DYNC1I1: variants seen among roughly 807,000 people sequenced by gnomAD.
The protein encoded by DYNC1I1 is dynein cytoplasmic 1 intermediate chain 1.
In DYNC1I1, 43 loss-of-function variants were observed where a neutral mutation model predicts 86.6. The ratio of observed to expected loss-of-function variants is 0.50; its 90% CI spans 0.39 to 0.64. The LOEUF is 0.64. DYNC1I1 is among the 30% of genes least tolerant of loss of function. The pLI is 0.00. For synonymous variants in DYNC1I1, 262 were observed against 283.7 expected (o/e 0.92, Z 0.77); for missense variants, 604 against 788.8 (o/e 0.77, Z 2.81).
chr7:96,077,278 G>GTGT (rs1562996246), intron 15 of DYNC1I1, among the ~76,000 whole-genome samples: 28 of 135,730 alleles, frequency 2.1e-4, no homozygotes, highest in African/African-American at 6.2e-4. Flanking sequence ...TGTGTGTGTG[G>GTGT]GAGGGGGCAG....
chr7:95,883,710 G>A (rs71564812), intron 6 of DYNC1I1, among the ~76,000 whole-genome samples: 78 of 152,086 alleles, frequency 5.1e-4, no homozygotes, highest in Non-Finnish European at 1.0e-3. Flanking sequence ...AAATCTGGGA[G>A]CAGTTTGGAA....
chr7:96,014,132 T>G (rs755288804), intron 10 of DYNC1I1, among the ~76,000 whole-genome samples: 2 of 152,174 alleles, frequency 1.3e-5, no homozygotes, highest in Non-Finnish European at 2.9e-5. Flanking sequence ...AGGACTCATC[T>G]ATAGAACAGA....
At chr7:95,894,774 C>G (rs1249253193) in intron 6 of DYNC1I1, among the ~76,000 whole-genome samples, 1 of 152,144 alleles carries the variant, frequency 6.6e-6, no homozygotes, top group Non-Finnish European at 1.5e-5. Flanking sequence ...TTTTCTGCAT[C>G]CTGCTGGTTG....
intron 10 of DYNC1I1, among the ~76,000 whole-genome samples, chr7:96,023,209 AT>A (rs57582239): frequency 0.14 from 21,636 of 152,212 alleles, 1,780 homozygotes; most frequent in African/African-American, 0.22. Flanking sequence ...GTCAGCCACC[AT>A]TTAACAGCAT....
chr7:96,002,284 T>C (rs1476371292), intron 10 of DYNC1I1, among the ~76,000 whole-genome samples: 1 of 152,214 alleles, frequency 6.6e-6, no homozygotes, highest in Non-Finnish European at 1.5e-5. Context: ...TATATTAAAA[T>C]GCCAGTTGAT....
chr7:95,884,787 A>G (rs1172828791), intron 6 of DYNC1I1, among the ~76,000 whole-genome samples: 4 of 147,260 alleles, frequency 2.7e-5, no homozygotes, highest in African/African-American at 1.0e-4. Flanking sequence ...GGAAGAAAAA[A>G]AAAGACAAAA....
At chr7:95,933,208 A>T (rs1331224201) in intron 6 of DYNC1I1, among the ~76,000 whole-genome samples, 2 of 152,176 alleles carry the variant, frequency 1.3e-5, no homozygotes. Context: ...TATACTTTTT[A>T]AAAACATAAT....
intron 1 of DYNC1I1, among the ~76,000 whole-genome samples, chr7:95,780,795 A>C (rs1012983322): frequency 1.3e-5 from 2 of 151,988 alleles, no homozygotes; most frequent in Admixed American, 1.3e-4. Flanking sequence ...TGACCCTGAG[A>C]CTCTGTCTCA....
At chr7:95,901,940 A>C (rs1259981314) in intron 6 of DYNC1I1, among the ~76,000 whole-genome samples, 1 of 152,216 alleles carries the variant, frequency 6.6e-6, no homozygotes, top group East Asian at 1.9e-4. Flanking sequence ...CAAATGTTTA[A>C]GAGAGTAAGA....
chr7:95,973,801 G>T (rs1414089862), intron 6 of DYNC1I1, among the ~76,000 whole-genome samples: 1 of 152,136 alleles, frequency 6.6e-6, no homozygotes, highest in Non-Finnish European at 1.5e-5. Flanking sequence ...ATGAGAACTT[G>T]TTACTATTTA....
At position 96,098,166 on chromosome 7, in the gene DYNC1I1, G is replaced by A; in HGVS notation, c.*573G>A. The A allele has an allele frequency of 8.1e-6, 8 of 985,252 alleles. No homozygotes were observed. The highest frequency in any genetic ancestry group is 9.6e-6 in the Non-Finnish European group (8 of 829,484). 61.0% of individuals were successfully genotyped at this position (985,252 alleles called of 1,614,324 possible). ...AGAGCATGTGCATAATGAGAGGACT[G>A]TATTCTCTCTGCTGCTGTTGAGGTT... is the stretch of plus-strand genomic sequence containing the variant. On this transcript the variant is annotated 3_prime_UTR_variant, in exon 17 of 17. Coordinates refer to ENST00000447467, the MANE Select transcript of DYNC1I1 (RefSeq NM_001135556.2).
At chr7:95,911,997 T>A (rs1296453632) in intron 6 of DYNC1I1, among the ~76,000 whole-genome samples, 1 of 152,194 alleles carries the variant, frequency 6.6e-6, no homozygotes, top group Non-Finnish European at 1.5e-5. Context: ...CCAAACTTTT[T>A]AAGGCTGCTT....
chr7:96,035,463 T>C (rs550407360), intron 12 of DYNC1I1, among the ~76,000 whole-genome samples, 156 bp from the exon 13 acceptor site: 81 of 152,318 alleles, frequency 5.3e-4, no homozygotes, highest in Non-Finnish European at 9.6e-4. Flanking sequence ...AGCATGAATG[T>C]CAGGGGCAGT....
chr7:96,079,299 G>A (rs187047309), intron 15 of DYNC1I1, among the ~76,000 whole-genome samples: 29 of 152,152 alleles, frequency 1.9e-4, no homozygotes, highest in African/African-American at 6.0e-4. Context: ...TTAAACAGTG[G>A]CATGAGATGA....
chr7:95,909,049 CA>C (rs1248870375), intron 6 of DYNC1I1, among the ~76,000 whole-genome samples: 1 of 150,468 alleles, frequency 6.6e-6, no homozygotes, highest in Non-Finnish European at 1.5e-5. Context: ...TGGAACAGAC[CA>C]AAAAGGGAGG....
chr7:95,869,822 T>C (rs1790114337), intron 5 of DYNC1I1, 61 bp from the exon 6 acceptor site: 1 of 1,480,154 alleles, frequency 6.8e-7, no homozygotes, highest in South Asian at 1.2e-5. Context: ...CTTTTATTAC[T>C]GATAGCTCTT....
chr7:95,974,658 A>C (rs1384327783), intron 6 of DYNC1I1, among the ~76,000 whole-genome samples: 2 of 152,132 alleles, frequency 1.3e-5, no homozygotes, highest in Non-Finnish European at 2.9e-5. Context: ...ACTTCATATT[A>C]AGCATTGCCG....
chr7:95,773,454 A>G (rs1793761180), intron 1 of DYNC1I1, among the ~76,000 whole-genome samples: 2 of 152,250 alleles, frequency 1.3e-5, no homozygotes, highest in Non-Finnish European at 2.9e-5. Flanking sequence ...CGTCGTCATC[A>G]TAAGGGCAGT....
intron 6 of DYNC1I1, among the ~76,000 whole-genome samples, chr7:95,969,869 C>T (rs1793120235): frequency 6.6e-6 from 1 of 152,164 alleles, no homozygotes; most frequent in Non-Finnish European, 1.5e-5. Context: ...TTTCTTTACT[C>T]TGGCCAGATG....
Sources: allele counts gnomAD v4.1 joint callset (sites outside exome capture counted in the v4.1 genomes callset), GRCh38; gene constraint gnomAD v4.1.1; transcripts MANE v1.5; gene names NCBI Gene and HGNC (gene_info 2026-07-23, HGNC 2026-07-21).